Variants in TULP2 observed in about 807,000 individuals in gnomAD.
The protein encoded by TULP2 is TUB like protein 2.
In TULP2, 64 loss-of-function variants were observed where a neutral mutation model predicts 60.3. That is an observed-to-expected ratio of 1.06 (90% CI 0.87 to 1.31). TULP2 has a LOEUF of 1.31. Ranked by LOEUF, TULP2 falls within the 50% of genes most tolerant of loss-of-function variation. The pLI, the probability that TULP2 is intolerant of heterozygous loss-of-function variation, is 0.00. For missense variants in TULP2, 652 were observed against 667.0 expected (o/e 0.98, Z 0.25); for synonymous variants, 267 against 265.4 (o/e 1.01, Z -0.06).
intron 9 of TULP2, among the ~76,000 whole-genome samples, chr19:48,884,533 G>T: frequency 6.6e-6 from 1 of 152,042 alleles, no homozygotes; most frequent in East Asian, 1.9e-4. Flanking sequence ...CACTTTGGGA[G>T]GCCAAGGCGG....
intron 6 of TULP2, among the ~76,000 whole-genome samples, chr19:48,891,177 A>T (rs2037229182): frequency 7.0e-6 from 1 of 142,124 alleles, no homozygotes; most frequent in Non-Finnish European, 1.5e-5. Flanking sequence ...AAAAAAAATT[A>T]GCCGGGTGTG....
Position 48,887,747 on chromosome 19 carries a change from G to T in TULP2, c.948+203C>A, listed in dbSNP as rs144319705. Reference sequence around the variant, plus strand: ...TAATTTTTGTATTTTTAGTGGAGACGGGGTTTCACCATATTGGTCAGGCTG... The same window carrying T: ...TAATTTTTGTATTTTTAGTGGAGACTGGGTTTCACCATATTGGTCAGGCTG... On this transcript the variant is annotated intron_variant, in intron 8 of 12. Transcript: ENST00000221399. 8.0e-3 allele frequency among the ~76,000 whole-genome samples: 1,220 copies of T among 152,150 alleles called. 21 individuals carry two copies. Among genetic ancestry groups the T allele is most frequent in the African/African-American group, 0.027 (1,125 of 41,510 alleles).
intron 7 of TULP2, 26 bp from the exon 8 acceptor site, chr19:48,888,287 C>A: frequency 1.3e-6 from 2 of 1,558,602 alleles, no homozygotes; most frequent in South Asian, 1.2e-5. Context: ...AATTTAAAGT[C>A]GAGGGACAAC....
At position 48,895,351 on chromosome 19, in the gene TULP2, T is replaced by C. The variant is rs1190898547; in HGVS notation, c.349+15A>G. On this transcript the variant is annotated intron_variant, in intron 5 of 12. Coordinates refer to ENST00000221399, the MANE Select transcript of TULP2 (RefSeq NM_003323.3). ...GGAGTTCTGGGGTCTAGGAGGTCGG[T>C]GGACTCGCAAATACCTGCTTCTGTC... 2 of 1,612,340 alleles carry C rather than the reference T, an allele frequency of 1.2e-6. No homozygotes were observed. Among genetic ancestry groups the C allele is most frequent in the Non-Finnish European group, 8.5e-7 (1 of 1,179,002 alleles).
intron 4 of TULP2, 87 bp from the exon 5 acceptor site, chr19:48,895,590 A>G (rs56146968): frequency 0.14 from 212,763 of 1,505,168 alleles, 16,781 homozygotes; most frequent in Non-Finnish European, 0.16. Flanking sequence ...GCTCCCAAAT[A>G]TCACCCCCGC....
Position 48,898,682 on chromosome 19 carries a change from C to G in TULP2, c.-94G>C, listed in dbSNP as rs1292844298. ...ACGGCTCAGAGGGAGGGAGGATTCC[C>G]TCTGGGACCTGAACTGGTCCACTCC... is the stretch of plus-strand genomic sequence containing the variant. On this transcript the variant is annotated 5_prime_UTR_variant, in exon 1 of 13. Coordinates refer to ENST00000221399, the MANE Select transcript of TULP2 (RefSeq NM_003323.3). The G allele has an allele frequency of 2.0e-5, 3 of 152,028 alleles. No individual in the cohort carries two copies. The highest frequency in any genetic ancestry group is 7.3e-5 in the African/African-American group (3 of 41,352). The allele number at this position is 152,028 out of a possible 1,614,324, so 9.4% of individuals were successfully genotyped here.
intron 8 of TULP2, among the ~76,000 whole-genome samples, chr19:48,887,311 CTTTTTTTTTTTTTTTT>C (rs58640342): frequency 1.0e-4 from 4 of 39,330 alleles, no homozygotes; most frequent in Non-Finnish European, 2.1e-4. Context: ...GCGCCCAGCC[CTTTTTTTTTTTTTTTT>C]TTTTTTTTTT....
chr19:48,886,881 T>C (rs1199536672), intron 8 of TULP2, among the ~76,000 whole-genome samples: 1 of 151,328 alleles, frequency 6.6e-6, no homozygotes, highest in East Asian at 1.9e-4. Context: ...CTGGCTAATT[T>C]TTTTTTTTTT....
At chr19:48,894,497 T>TGGGC (rs2037260672) in intron 6 of TULP2, among the ~76,000 whole-genome samples, 1 of 151,802 alleles carries the variant, frequency 6.6e-6, no homozygotes, top group South Asian at 2.1e-4. Context: ...AAAAATTAGC[T>TGGGC]GGGCGTGGTG....
chr19:48,893,403 A>C (rs1203608976), intron 6 of TULP2, among the ~76,000 whole-genome samples: 1 of 151,980 alleles, frequency 6.6e-6, no homozygotes, highest in Admixed American at 6.6e-5. Context: ...TGAAGAAAGA[A>C]GCCACATACA....
chr19:48,888,458 A>T (rs2122126900), intron 7 of TULP2, among the ~76,000 whole-genome samples, 197 bp from the exon 8 acceptor site: 1 of 152,242 alleles, frequency 6.6e-6, no homozygotes, highest in South Asian at 2.1e-4. Context: ...CTCTGCAGCC[A>T]CACGCATTCC....
chr19:48,883,132 T>C (rs1414339600), intron 11 of TULP2, among the ~76,000 whole-genome samples: 2 of 149,656 alleles, frequency 1.3e-5, no homozygotes, highest in African/African-American at 4.9e-5. Flanking sequence ...GGCAGGAGAA[T>C]GGCGTGAGCC....
chr19:48,891,354 CA>C (rs2037231500), intron 6 of TULP2, among the ~76,000 whole-genome samples: 1 of 150,104 alleles, frequency 6.7e-6, no homozygotes, highest in Admixed American at 6.7e-5. Context: ...TTAGGTGGGC[CA>C]GGGGCGGTGG....
intron 5 of TULP2, 65 bp downstream of exon 5, chr19:48,895,301 C>T (rs951921144): frequency 2.8e-5 from 45 of 1,589,628 alleles, no homozygotes; most frequent in Non-Finnish European, 3.8e-5. Context: ...ATTGAGGCAC[C>T]AGACTCCTGG....
intron 1 of TULP2, among the ~76,000 whole-genome samples, 155 bp from the exon 2 acceptor site, chr19:48,898,024 G>A (rs2037298577): frequency 1.3e-5 from 2 of 151,938 alleles, no homozygotes; most frequent in Admixed American, 6.6e-5. Flanking sequence ...CCAGGCTGCA[G>A]TGCAGTGGCG....
chr19:48,885,620 A>C, intron 8 of TULP2, 60 bp from the exon 9 acceptor site: 1 of 1,501,462 alleles, frequency 6.7e-7, no homozygotes, highest in South Asian at 1.1e-5. Flanking sequence ...GTGGTGGCTC[A>C]TGCCTGTAAT....
At chr19:48,896,827 A>G (rs2037286986) in intron 3 of TULP2, 1 of 384,980 alleles carries the variant, frequency 2.6e-6, no homozygotes, top group South Asian at 6.7e-5. Context: ...GAAATTCATC[A>G]CAAGGGTTTG....
intron 6 of TULP2, among the ~76,000 whole-genome samples, chr19:48,893,284 C>T (rs1461312220): frequency 1.3e-5 from 2 of 151,274 alleles, no homozygotes; most frequent in African/African-American, 4.9e-5. Context: ...GCAGGAGAAT[C>T]GCTTGAACCC....
chr19:48,898,203 AG>A (rs1423126571), intron 1 of TULP2: 2 of 159,536 alleles, frequency 1.3e-5, no homozygotes, highest in African/African-American at 4.8e-5. Context: ...TCCTGACCTC[AG>A]GTGATCTGCC....
Sources: allele counts gnomAD v4.1 joint callset (sites outside exome capture counted in the v4.1 genomes callset), GRCh38; gene constraint gnomAD v4.1.1; transcripts MANE v1.5; gene names NCBI Gene and HGNC (gene_info 2026-07-23, HGNC 2026-07-21).